Variants in OPCML observed in about 807,000 individuals in gnomAD.
OPCML encodes the protein opioid-binding protein/cell adhesion molecule.
Under a neutral mutation model 37.8 loss-of-function variants are expected in OPCML, and 13 were observed. That is an observed-to-expected ratio of 0.34 (90% CI 0.22 to 0.55). OPCML has a LOEUF of 0.55. OPCML is among the 20% of genes least tolerant of loss of function. The pLI, the probability that OPCML is intolerant of heterozygous loss-of-function variation, is 0.91. For synonymous variants in OPCML, 176 were observed against 168.8 expected (o/e 1.04, Z -0.33); for missense variants, 341 against 435.6 (o/e 0.78, Z 1.93).
At chr11:133,014,228 G>A (rs1947274696) in intron 1 of OPCML, among the ~76,000 whole-genome samples, 2 of 152,014 alleles carry the variant, frequency 1.3e-5, no homozygotes, top group Admixed American at 6.5e-5. Flanking sequence ...TGCTATGTAA[G>A]TTGGAATTCA....
At chr11:132,875,294 T>A (rs2136408201) in intron 2 of OPCML, among the ~76,000 whole-genome samples, 1 of 152,262 alleles carries the variant, frequency 6.6e-6, no homozygotes, top group African/African-American at 2.4e-5. Context: ...GACGAGTCAC[T>A]TCTGAGCCAT....
chr11:132,889,259 C>A (rs547732264), intron 2 of OPCML, among the ~76,000 whole-genome samples: 2 of 152,282 alleles, frequency 1.3e-5, no homozygotes, highest in South Asian at 4.1e-4. Flanking sequence ...TCTGTTCTTA[C>A]GTTAAAACAC....
chr11:132,597,667 A>G (rs1164545067), intron 3 of OPCML, among the ~76,000 whole-genome samples: 1 of 152,180 alleles, frequency 6.6e-6, no homozygotes, highest in African/African-American at 2.4e-5. Context: ...GTGATGGTAA[A>G]TGCTGTCATC....
chr11:132,660,076 T>C (rs1941893894), intron 2 of OPCML, among the ~76,000 whole-genome samples: 1 of 152,216 alleles, frequency 6.6e-6, no homozygotes, highest in African/African-American at 2.4e-5. Context: ...AGAGCACATT[T>C]CGTTAAGCAA....
intron 1 of OPCML, among the ~76,000 whole-genome samples, chr11:133,210,191 G>T (rs989129104): frequency 5.3e-5 from 8 of 152,150 alleles, no homozygotes; most frequent in Non-Finnish European, 8.8e-5. Context: ...ATTTCCAAGC[G>T]TCTGGGGGAT....
intron 1 of OPCML, among the ~76,000 whole-genome samples, chr11:133,245,695 T>C (rs1167131133): frequency 1.3e-5 from 2 of 152,096 alleles, no homozygotes; most frequent in East Asian, 1.9e-4. Flanking sequence ...TGAGTTATAA[T>C]AGCAAAGACT....
rs5795809 is a variant in OPCML, at chr11:132,888,858, CAA to C, written c.146+54066_146+54067del. ...GATAAATTATTCACAAATTTTACAA[CAA>C]AAAAAAAAAAGAAAAAAAAAATCTG... On this transcript the variant is annotated intron_variant, in intron 2 of 7. Coordinates refer to ENST00000524381, the MANE Select transcript of OPCML (RefSeq NM_001012393.5). Among the ~76,000 whole-genome samples, 189 of 139,704 alleles carry C rather than the reference CAA, an allele frequency of 1.4e-3. 3 individuals carry two copies. The East Asian group carries it at 0.016, about 12-fold the overall frequency. 91.7% of individuals were successfully genotyped at this position (139,704 alleles called of 152,430 possible). A position where few individuals can be genotyped will look rare whatever the true frequency, so the allele number is the denominator to read the frequency against.
intron 1 of OPCML, among the ~76,000 whole-genome samples, chr11:133,021,284 T>C (rs1372623859): frequency 6.6e-6 from 1 of 152,208 alleles, no homozygotes; most frequent in Non-Finnish European, 1.5e-5. Context: ...GAGCATTTTC[T>C]TAGAAATAAC....
rs187725524 is a variant in OPCML, at chr11:133,019,000, C to G, written c.62-75990G>C. 5.9e-5 allele frequency among the ~76,000 whole-genome samples: 9 copies of G among 152,334 alleles called. No homozygotes were observed. The East Asian group carries it at 1.7e-3, about 29-fold the overall frequency. ...AGAGTCCCAAATCCCCTGTGCTCAC[C>G]TACAATCCTCACATTCTCTGGGCTT... On this transcript the variant is annotated intron_variant, in intron 1 of 7. Transcript: ENST00000524381.
At chr11:132,680,734 G>T (rs558920514) in intron 2 of OPCML, among the ~76,000 whole-genome samples, 1 of 152,346 alleles carries the variant, frequency 6.6e-6, no homozygotes, top group Non-Finnish European at 1.5e-5. Context: ...TTCGAGCAGA[G>T]AAACTGGTCA....
At chr11:132,790,936 T>C (rs574998040) in intron 2 of OPCML, among the ~76,000 whole-genome samples, 1 of 152,330 alleles carries the variant, frequency 6.6e-6, no homozygotes, top group Non-Finnish European at 1.5e-5. Flanking sequence ...GAAAACCCTA[T>C]AGTCATAGCT....
At chr11:133,298,350 G>T (rs1363701767) in intron 1 of OPCML, 1 of 152,136 alleles carries the variant, frequency 6.6e-6, no homozygotes, top group East Asian at 1.9e-4. Context: ...AAGTAAGAAA[G>T]ACAGAAAATG....
intron 2 of OPCML, among the ~76,000 whole-genome samples, chr11:132,932,253 G>T (rs771050416): frequency 6.6e-6 from 1 of 152,124 alleles, no homozygotes; most frequent in Non-Finnish European, 1.5e-5. Context: ...GCACAGCAAC[G>T]TGAATGTACT....
At chr11:133,158,437 C>T (rs1592058972) in intron 1 of OPCML, among the ~76,000 whole-genome samples, 1 of 152,064 alleles carries the variant, frequency 6.6e-6, no homozygotes, top group East Asian at 1.9e-4. Context: ...CATGGTGGCT[C>T]ACGCCTGTAA....
At chr11:133,201,861 A>G (rs1369063439) in intron 1 of OPCML, among the ~76,000 whole-genome samples, 1 of 152,050 alleles carries the variant, frequency 6.6e-6, no homozygotes, top group East Asian at 1.9e-4. Context: ...GCCAGTATTT[A>G]CCTCCTAACT....
At chr11:133,384,209 C>G (rs1159868091) in intron 1 of OPCML, among the ~76,000 whole-genome samples, 1 of 139,678 alleles carries the variant, frequency 7.2e-6, no homozygotes, top group African/African-American at 2.9e-5. Context: ...CAACGGCCAC[C>G]CAGATTAATG....
At chr11:132,855,767 T>C (rs1350004890) in intron 2 of OPCML, among the ~76,000 whole-genome samples, 1 of 152,220 alleles carries the variant, frequency 6.6e-6, no homozygotes, top group African/African-American at 2.4e-5. Flanking sequence ...GCCTCAGAAA[T>C]TGTGAAATAA....
At chr11:133,091,218 A>G (rs138776909) in intron 1 of OPCML, among the ~76,000 whole-genome samples, 273 of 152,340 alleles carry the variant, frequency 1.8e-3, no homozygotes, top group African/African-American at 6.3e-3. Flanking sequence ...GCAGGTGTGT[A>G]GAGTTCACGA....
intron 2 of OPCML, among the ~76,000 whole-genome samples, chr11:132,887,800 G>A (rs372661101): frequency 7.2e-5 from 11 of 152,180 alleles, no homozygotes; most frequent in Middle Eastern, 3.2e-3. Context: ...TCCGCGCTGC[G>A]GCACCTCTGC....
Sources: allele counts gnomAD v4.1 joint callset (sites outside exome capture counted in the v4.1 genomes callset), GRCh38; gene constraint gnomAD v4.1.1; transcripts MANE v1.5; gene names NCBI Gene and HGNC (gene_info 2026-07-23, HGNC 2026-07-21).